DNAL4: variants seen among roughly 807,000 people sequenced by gnomAD.
DNAL4 encodes dynein light chain, outer arm 4.
Under a neutral mutation model 12.6 loss-of-function variants are expected in DNAL4, and 10 were observed. The ratio of observed to expected loss-of-function variants is 0.79; its 90% CI spans 0.49 to 1.34. DNAL4 has a LOEUF of 1.34. Among genes scored for constraint, DNAL4 ranks in the 40% most tolerant of loss-of-function variants. DNAL4 has a pLI of 0.00. For missense variants in DNAL4, 128 were observed against 138.1 expected (o/e 0.93, Z 0.37); for synonymous variants, 46 against 53.1 (o/e 0.87, Z 0.58).
intron 1 of DNAL4, chr22:38,785,675 T>G (rs2093041227): frequency 6.6e-6 from 1 of 152,294 alleles, no homozygotes; most frequent in African/African-American, 2.4e-5. Flanking sequence ...TGTGCAGGCA[T>G]GGAGACCAGC....
At chr22:38,792,396 T>C (rs1441229861) in intron 1 of DNAL4, among the ~76,000 whole-genome samples, 2 of 152,050 alleles carry the variant, frequency 1.3e-5, no homozygotes, top group Admixed American at 6.5e-5. Flanking sequence ...CATTCTCCTG[T>C]CTCAGCCTCC....
intron 2 of DNAL4, among the ~76,000 whole-genome samples, chr22:38,781,852 G>A (rs548395747): frequency 5.9e-5 from 9 of 152,120 alleles, no homozygotes; most frequent in Admixed American, 2.0e-4. Context: ...ACTCTACTCC[G>A]TGAGCCGCAC....
At position 38,780,912 on chromosome 22, in the gene DNAL4, A is replaced by G. The variant is rs774129371; in HGVS notation, c.153+14T>C. The G allele has an allele frequency of 6.2e-7, 1 of 1,614,072 alleles. No homozygotes were observed. The highest frequency in any genetic ancestry group is 1.7e-5 in the Admixed American group (1 of 60,006). On this transcript the variant is annotated intron_variant, in intron 3 of 3. Coordinates refer to ENST00000216068, the MANE Select transcript of DNAL4 (RefSeq NM_005740.3). ...ATCAAAAGCACGAGGGGCCGCCTGC[A>G]CTGCTGGCAATACCTCGTTGTTGTT...
At position 38,779,962 on chromosome 22, in the gene DNAL4, C is replaced by T. The variant is rs544536477; in HGVS notation, c.154-349G>A. Among the ~76,000 whole-genome samples the T allele has an allele frequency of 1.3e-5, 2 of 152,242 alleles. No individual in the cohort carries two copies. The highest frequency in any genetic ancestry group is 2.1e-4 in the South Asian group (1 of 4,818). ...CTCCCTCAGATGTAACCTGGACAAG[C>T]GGGGCACCAGGCAGTCTCAGGACCA... On this transcript the variant is annotated intron_variant, in intron 3 of 3. Transcript: ENST00000216068. This position sits in a 1 kb window ranked among gnomAD's most constrained non-coding sequence, Gnocchi z 4.3.
rs2093035133 is a variant in DNAL4 at position 38,782,062 on chromosome 22, A to G, written c.69+601T>C. On this transcript the variant is annotated intron_variant, in intron 2 of 3. Transcript: ENST00000216068. The surrounding 1 kb of genome is among the most constrained non-coding windows in gnomAD (Gnocchi z 5.1). ...GGACAGAACCCACAGTTCTCACCAC[A>G]TTCTTCACTGTGGCTGGCCAGGCCT... Among the ~76,000 whole-genome samples, 1 of 152,214 alleles carries G rather than the reference A, an allele frequency of 6.6e-6. No homozygotes were observed. The highest frequency in any genetic ancestry group is 6.5e-5 in the Admixed American group (1 of 15,288).
At chr22:38,784,476 ATT>A (rs2093039154) in intron 1 of DNAL4, among the ~76,000 whole-genome samples, 1 of 142,818 alleles carries the variant, frequency 7.0e-6, no homozygotes, top group African/African-American at 2.6e-5. Flanking sequence ...CGAATCAAAT[ATT>A]TGCTCTTCCC....
intron 1 of DNAL4, among the ~76,000 whole-genome samples, chr22:38,787,909 G>A (rs746426515): frequency 6.6e-6 from 1 of 152,148 alleles, no homozygotes; most frequent in Non-Finnish European, 1.5e-5. Context: ...GCCTGAGGGT[G>A]CACAGCCGGC....
chr22:38,779,502 G>A lies in DNAL4; in HGVS notation c.265C>T (p.Leu89Phe), dbSNP rs1475245020. 1.3e-6 allele frequency: 2 copies of A among 1,582,372 alleles called. No homozygotes were observed. Among genetic ancestry groups the A allele is most frequent in the Non-Finnish European group, 1.7e-6 (2 of 1,163,402 alleles). ...FEITHEVKNL[L>F]YLYFGGTLAV... is the part of the protein sequence containing the mutation. ...AGGGTGCCCCCGAAGTACAGGTAGA[G>A]GAGGTTCTTCACCTCGTGGGTGATC... is the stretch of plus-strand genomic sequence containing the variant. Residue 89 changes from leucine (L) to phenylalanine (F), a missense_variant, in exon 4 of 4, where the codon CTC becomes TTC. By Grantham distance (22) the Leu-to-Phe change is conservative. Coordinates refer to ENST00000216068, the MANE Select transcript of DNAL4 (RefSeq NM_005740.3). This position sits in a 1 kb window ranked among gnomAD's most constrained non-coding sequence, Gnocchi z 4.3.
chr22:38,788,937 C>T lies in DNAL4; in HGVS notation c.-140+5131G>A, dbSNP rs546682802. Among the ~76,000 whole-genome samples the T allele has an allele frequency of 1.3e-3, 197 of 152,274 alleles. 1 individual carries two copies. Among genetic ancestry groups the T allele is most frequent in the African/African-American group, 4.5e-3 (185 of 41,542 alleles). On this transcript the variant is annotated intron_variant, in intron 1 of 3. Coordinates refer to ENST00000216068, the MANE Select transcript of DNAL4 (RefSeq NM_005740.3). ...AGGAACTTGATTTGGCTCTAGATGC[C>T]CCAGAGCACAAAGGCCAGTGTCTGG... is the stretch of plus-strand genomic sequence containing the variant.
chr22:38,783,014 G>A (rs11913529), intron 1 of DNAL4, 144 bp from the exon 2 acceptor site: 3,711 of 336,074 alleles, frequency 0.011, 131 homozygotes, highest in African/African-American at 0.076. Context: ...GTCTGCAGAC[G>A]GCAGGATGAG....
Position 38,782,864 on chromosome 22 carries a change from G to A in DNAL4, c.-133C>T, listed in dbSNP as rs2093036501. The A allele has an allele frequency of 1.0e-5, 8 of 779,460 alleles. No homozygotes were observed. The highest frequency in any genetic ancestry group is 3.0e-5 in the East Asian group (1 of 32,796). The allele number at this position is 779,460 out of a possible 1,614,324, so 48.3% of individuals were successfully genotyped here. On this transcript the variant is annotated 5_prime_UTR_variant, in exon 2 of 4. Coordinates refer to ENST00000216068, the MANE Select transcript of DNAL4 (RefSeq NM_005740.3). The surrounding 1 kb of genome is among the most constrained non-coding windows in gnomAD (Gnocchi z 5.1). ...TGGGAGCAGAAAATGTCTTTCCCCG[G>A]GGGGTGCTGCAGAAAACAGGAGAAA... is the stretch of plus-strand genomic sequence containing the variant.
chr22:38,792,807 T>C (rs895488340), intron 1 of DNAL4, among the ~76,000 whole-genome samples: 10 of 152,152 alleles, frequency 6.6e-5, no homozygotes, highest in Non-Finnish European at 1.2e-4. Flanking sequence ...TCTAAGACTG[T>C]TTACGGTTAA....
intron 1 of DNAL4, among the ~76,000 whole-genome samples, chr22:38,792,848 A>G (rs7289222): frequency 9.1e-4 from 138 of 152,350 alleles, no homozygotes; most frequent in Admixed American, 3.0e-3. Context: ...GGAGGAGTGT[A>G]CACTGTAAAA....
intron 1 of DNAL4, among the ~76,000 whole-genome samples, chr22:38,783,335 C>T (rs1007844383): frequency 4.6e-5 from 7 of 150,634 alleles, no homozygotes; most frequent in Non-Finnish European, 7.4e-5. Context: ...CCACTACACA[C>T]GCGGGCCTTC....
intron 1 of DNAL4, among the ~76,000 whole-genome samples, chr22:38,787,656 G>A (rs1316305545): frequency 2.6e-5 from 4 of 152,158 alleles, no homozygotes; most frequent in African/African-American, 2.4e-5. Flanking sequence ...ACATCTAAAC[G>A]TGCAGCCAAA....
At position 38,782,421 on chromosome 22, in the gene DNAL4, C is replaced by T. The variant is rs1349319719; in HGVS notation, c.69+242G>A. On this transcript the variant is annotated intron_variant, in intron 2 of 3. Coordinates refer to ENST00000216068, the MANE Select transcript of DNAL4 (RefSeq NM_005740.3). The surrounding 1 kb of genome is among the most constrained non-coding windows in gnomAD (Gnocchi z 5.1). Reference sequence around the variant, plus strand: ...ATGTGGGCCAGGCCTTCGCCTGTCTCGTTTACCATCCCCACAGTGCCTAGA... The same window carrying T: ...ATGTGGGCCAGGCCTTCGCCTGTCTTGTTTACCATCCCCACAGTGCCTAGA... Among the ~76,000 whole-genome samples the T allele has an allele frequency of 6.6e-6, 1 of 152,186 alleles. No homozygotes were observed. Among genetic ancestry groups the T allele is most frequent in the Non-Finnish European group, 1.5e-5 (1 of 68,026 alleles).
intron 1 of DNAL4, among the ~76,000 whole-genome samples, chr22:38,789,990 C>T (rs1468967915): frequency 1.3e-5 from 2 of 152,152 alleles, no homozygotes; most frequent in Non-Finnish European, 2.9e-5. Context: ...TGGGGTTGGG[C>T]TGTGGACGTG....
chr22:38,781,285 A>T (rs1011645460), intron 2 of DNAL4, among the ~76,000 whole-genome samples: 3 of 152,258 alleles, frequency 2.0e-5, no homozygotes, highest in African/African-American at 7.2e-5. Context: ...AAGCCGGCTG[A>T]GGGCGGAGGG....
chr22:38,779,871 TCTGGAGATAGC>T lies in DNAL4; in HGVS notation c.154-269_154-259del, dbSNP rs1396923207. 6.6e-6 allele frequency among the ~76,000 whole-genome samples: 1 copy of T among 152,066 alleles called. No individual in the cohort carries two copies. Among genetic ancestry groups the T allele is most frequent in the African/African-American group, 2.4e-5 (1 of 41,410 alleles). On this transcript the variant is annotated intron_variant, in intron 3 of 3. Transcript: ENST00000216068. The surrounding 1 kb of genome is among the most constrained non-coding windows in gnomAD (Gnocchi z 4.3). Reference sequence around the variant, plus strand: ...CTGAGGCGGGAAGGCAAGCATCAGGTCTGGAGATAGCCTGGGGCTGCGTCCTGGCTCTGCAC... The same window carrying T: ...CTGAGGCGGGAAGGCAAGCATCAGGTCTGGGGCTGCGTCCTGGCTCTGCAC...
Sources: gnomAD v4.1 joint callset for allele counts (sites outside exome capture counted in the v4.1 genomes callset) on GRCh38, gnomAD v4.1.1 for gene constraint, Gnocchi (gnomAD v3.1) non-coding constraint, MANE v1.5 for transcripts, NCBI Gene and HGNC (gene_info 2026-07-23, HGNC 2026-07-21) for gene names.